FAM78A: variants seen among roughly 807,000 people sequenced by gnomAD.
FAM78A encodes the protein family with sequence similarity 78 member A, also known as protein FAM78A.
In FAM78A, 12 loss-of-function variants were observed where a neutral mutation model predicts 22.6. The ratio of observed to expected loss-of-function variants is 0.53; its 90% confidence interval spans 0.34 to 0.86. The LOEUF is 0.86. FAM78A is among the 40% of genes least tolerant of loss of function. The pLI is 0.02. For synonymous variants in FAM78A, 151 were observed against 155.8 expected (o/e 0.97, Z 0.23); for missense variants, 322 against 396.1 (o/e 0.81, Z 1.59).
chr9:131,260,876 C>G lies in FAM78A; in HGVS notation c.798G>C (p.Met266Ile), dbSNP rs1313249409. The change falls in exon 2 of 2, where the codon ATG (methionine) becomes ATC (isoleucine). Residue 266 changes from methionine (M) to isoleucine (I), a missense_variant. Met to Ile is a conservative substitution (Grantham distance 10). Coordinates refer to ENST00000372271, the MANE Select transcript of FAM78A (RefSeq NM_033387.4). This position sits in a 1 kb window ranked among gnomAD's most constrained non-coding sequence, Gnocchi z 5.4. ...GCGGCTGCCCGTACTTGGGCCGCCA[C>G]ATGAGGACCTGGGCATCGTTGGCAT... is the stretch of plus-strand genomic sequence containing the variant. The part of the protein sequence containing the change: ...KPNANDAQVL[M>I]WRPKYGQPLV... 1 of 1,538,678 alleles carries G rather than the reference C, an allele frequency of 6.5e-7. No individual in the cohort carries two copies. The highest frequency in any genetic ancestry group is 2.0e-5 in the Admixed American group (1 of 49,616).
chr9:131,272,029 T>G lies in FAM78A; in HGVS notation c.323+3828A>C, dbSNP rs185343168. ...GGGTATTATTGAGATGGTGGTTTTT[T>G]TTTTTAATTGTTCCATTTCAAATAT... On this transcript the variant is annotated intron_variant, in intron 1 of 1. Transcript: ENST00000372271. This position sits in a 1 kb window ranked among gnomAD's most constrained non-coding sequence, Gnocchi z 4.1. Among the ~76,000 whole-genome samples, 549 of 152,326 alleles carry G rather than the reference T, an allele frequency of 3.6e-3. 5 individuals are homozygous for G. The highest frequency in any genetic ancestry group is 2.6e-3 in the Non-Finnish European group (179 of 68,010).
At position 131,261,023 on chromosome 9, in the gene FAM78A, G is replaced by C; in HGVS notation, c.651C>G (p.Ile217Met). Residue 217 changes from isoleucine to methionine, a missense_variant, in exon 2 of 2, where the codon ATC becomes ATG. By Grantham distance (10) the Ile-to-Met change is conservative (BLOSUM62 1). Coordinates refer to ENST00000372271, the MANE Select transcript of FAM78A (RefSeq NM_033387.4). The surrounding 1 kb of genome is among the most constrained non-coding windows in gnomAD (Gnocchi z 7.1). Reference protein sequence around the residue: ...QTLHWRMQLSIEVNPNRPLGQ... With the variant: ...QTLHWRMQLSMEVNPNRPLGQ... ...CCAGGGGCCGGTTGGGGTTCACCTC[G>C]ATGCTGAGCTGCATGCGCCAGTGCA... is the stretch of plus-strand genomic sequence containing the variant. The C allele has an allele frequency of 3.1e-6, 5 of 1,614,050 alleles. No individual in the cohort carries two copies. Among genetic ancestry groups the C allele is most frequent in the Non-Finnish European group, 4.2e-6 (5 of 1,180,002 alleles).
At chr9:131,280,162 G>A (rs551489408), upstream of FAM78A, among the ~76,000 whole-genome samples, 71 of 152,298 alleles carry the variant, frequency 4.7e-4, no homozygotes, top group Middle Eastern at 0.017. Flanking sequence ...GCTTTGAGCT[G>A]GGGGGCAGCT....
chr9:131,276,069 C>A lies in FAM78A; in HGVS notation c.111G>T (p.Gly37=). Residue 37 remains glycine, a synonymous_variant, in exon 1 of 2, where the codon GGG becomes GGT. Transcript: ENST00000372271. The surrounding 1 kb of genome is among the most constrained non-coding windows in gnomAD (Gnocchi z 4.3). ...IGGKARVFRE[G]ITVIDVKASI... ...AGGCTTTCACATCAATCACCGTGAT[C>A]CCTTCCCGGAAGACTCTGGCTTTGC... The A allele has an allele frequency of 6.2e-7, 1 of 1,613,858 alleles. No homozygotes were observed.
Position 131,276,110 on chromosome 9 carries a change from T to C in FAM78A, c.70A>G (p.Ile24Val). The change falls in exon 1 of 2, where the codon ATT becomes GTT. Residue 24 changes from isoleucine to valine, a missense_variant. Ile to Val is a conservative substitution (Grantham distance 29). Transcript: ENST00000372271. This position sits in a 1 kb window ranked among gnomAD's most constrained non-coding sequence, Gnocchi z 4.3. Reference protein sequence around the residue: ...IRALLYAMGCIQSIGGKARVF... With the variant: ...IRALLYAMGCVQSIGGKARVF... ...CTGGCTTTGCCTCCGATGCTCTGAA[T>C]ACAGCCCATGGCATACAGGAGCGCT... 1.9e-6 allele frequency: 3 copies of C among 1,613,724 alleles called. No homozygotes were observed. The Middle Eastern group carries it at 4.9e-4, about 266-fold the overall frequency.
Position 131,260,910 on chromosome 9 carries a change from A to AC in FAM78A, c.763dup (p.Val255GlyfsTer37). 1.3e-6 allele frequency: 2 copies of AC among 1,584,224 alleles called. No homozygotes were observed. Among genetic ancestry groups the AC allele is most frequent in the Non-Finnish European group, 1.7e-6 (2 of 1,161,978 alleles). ...CTGGGCATCGTTGGCATTGGGCTTGACCAGGGCGCTGGGCGGGATGGGCTC... is the reference window on the plus strand; with the variant it reads ...CTGGGCATCGTTGGCATTGGGCTTGACCCAGGGCGCTGGGCGGGATGGGCTC... On this transcript the variant is annotated frameshift_variant, in exon 2 of 2. Coordinates refer to ENST00000372271, the MANE Select transcript of FAM78A (RefSeq NM_033387.4). LOFTEE classifies it high-confidence loss of function. The surrounding 1 kb of genome is among the most constrained non-coding windows in gnomAD (Gnocchi z 5.4).
In FAM78A at chr9:131,275,911, C is replaced by T. The variant is rs748456816; in HGVS notation, c.269G>A (p.Trp90Ter). The change falls in exon 1 of 2, where the codon TGG becomes TAG. Residue 90 changes from tryptophan to a stop codon, truncating the protein, a stop_gained. Transcript: ENST00000372271. LOFTEE classifies it high-confidence loss of function. The surrounding 1 kb of genome is among the most constrained non-coding windows in gnomAD (Gnocchi z 4.6). ...CTCCATGTGGCTGCACGCCTGGATCCAGCCAACTACCCAAGTCTCCTTCTT... is the reference window on the plus strand; with the variant it reads ...CTCCATGTGGCTGCACGCCTGGATCTAGCCAACTACCCAAGTCTCCTTCTT... ...IPKKETWVVG[W>*]IQACSHMEFY... 6.2e-7 allele frequency: 1 copy of T among 1,612,386 alleles called. No individual in the cohort carries two copies. The highest frequency in any genetic ancestry group is 8.5e-7 in the Non-Finnish European group (1 of 1,179,272).
Position 131,268,279 on chromosome 9 carries a change from C to T in FAM78A, c.324-6929G>A, listed in dbSNP as rs912587818. Among the ~76,000 whole-genome samples, 5 of 152,292 alleles carry T rather than the reference C, an allele frequency of 3.3e-5. No homozygotes were observed. In the South Asian group the frequency reaches 6.2e-4, roughly 19 times the overall value. Reference sequence around the variant, plus strand: ...TACAGAAACGAATGCCCAAGAGCCCCCATTCCACACTGGACAGGCATCCTG... The same window carrying T: ...TACAGAAACGAATGCCCAAGAGCCCTCATTCCACACTGGACAGGCATCCTG... On this transcript the variant is annotated intron_variant, in intron 1 of 1. Transcript: ENST00000372271.
At position 131,261,382 on chromosome 9, in the gene FAM78A, G is replaced by A. The variant is rs375455667; in HGVS notation, c.324-32C>T. 6.3e-5 allele frequency: 96 copies of A among 1,527,590 alleles called. No individual in the cohort carries two copies. Among genetic ancestry groups the A allele is most frequent in the Non-Finnish European group, 7.8e-5 (89 of 1,145,630 alleles). The allele number at this position is 1,527,590 out of a possible 1,614,324, so 94.6% of individuals were successfully genotyped here. A position where few individuals can be genotyped will look rare whatever the true frequency, so the allele number is the denominator to read the frequency against. On this transcript the variant is annotated intron_variant, in intron 1 of 1. Transcript: ENST00000372271. The surrounding 1 kb of genome is among the most constrained non-coding windows in gnomAD (Gnocchi z 7.1). ...ACAAGGAAGGCCAGTTCACTCACTC[G>A]GTCACTCAAGGAGGGCTTTCTGTGT...
upstream of FAM78A, among the ~76,000 whole-genome samples, chr9:131,278,897 C>T (rs993388339): frequency 2.6e-5 from 4 of 152,236 alleles, no homozygotes; most frequent in African/African-American, 7.2e-5. Context: ...GTCCCAGAGC[C>T]GGAGCACGCT....
At chr9:131,277,066 C>T (rs1370674572), upstream of FAM78A, among the ~76,000 whole-genome samples, 1 of 151,000 alleles carries the variant, frequency 6.6e-6, no homozygotes, top group South Asian at 2.1e-4. The surrounding 1 kb of genome is among the most constrained non-coding windows in gnomAD (Gnocchi z 8.4). Context: ...GAGCTGACGG[C>T]GCAGCTCTGG....
At chr9:131,279,428 G>A (rs1205368765), upstream of FAM78A, among the ~76,000 whole-genome samples, 1 of 152,206 alleles carries the variant, frequency 6.6e-6, no homozygotes, top group Non-Finnish European at 1.5e-5. Flanking sequence ...TTTATATGTA[G>A]GGACGATATT....
In FAM78A at chr9:131,261,348, G is replaced by T; in HGVS notation, c.326C>A (p.Ser109Tyr). 6.3e-7 allele frequency: 1 copy of T among 1,578,670 alleles called. No homozygotes were observed. The highest frequency in any genetic ancestry group is 1.1e-5 in the South Asian group (1 of 87,926). ...CTGGAGGTCGGGGAGCTCCCAGCTG[G>T]ACCTGAGGACAAGGAAGGCCAGTTC... The part of the protein sequence containing the change: ...FYNQYGEQGM[S>Y]SWELPDLQEG... The change falls in exon 2 of 2, where the codon TCC (serine) becomes TAC (tyrosine). Residue 109 changes from serine (S) to tyrosine (Y), a missense_variant and splice_region_variant. By Grantham distance (144) the Ser-to-Tyr change is moderately radical. Transcript: ENST00000372271. This position sits in a 1 kb window ranked among gnomAD's most constrained non-coding sequence, Gnocchi z 7.1.
rs352953 is a variant in FAM78A, at chr9:131,259,378, T to C, written c.*1444A>G. Reference sequence around the variant, plus strand: ...CTTCCAGACGTCTGTCCTCACCTGTTGCTCTCCACTGTGCCAGCCCAGCCT... The same window carrying C: ...CTTCCAGACGTCTGTCCTCACCTGTCGCTCTCCACTGTGCCAGCCCAGCCT... On this transcript the variant is annotated 3_prime_UTR_variant, in exon 2 of 2. Coordinates refer to ENST00000372271, the MANE Select transcript of FAM78A (RefSeq NM_033387.4). 141,770 of 152,480 alleles carry C rather than the reference T, an allele frequency of 0.93. 66,663 individuals carry two copies. Among genetic ancestry groups the C allele is most frequent in the Non-Finnish European group, 1 (67,947 of 68,172 alleles). The allele number at this position is 152,480 out of a possible 1,614,324, so 9.4% of individuals were successfully genotyped here. A position where few individuals can be genotyped will look rare whatever the true frequency, so the allele number is the denominator to read the frequency against.
At position 131,260,558 on chromosome 9, in the gene FAM78A, G is replaced by A. The variant is rs1835249748; in HGVS notation, c.*264C>T. 2.7e-6 allele frequency: 1 copy of A among 377,142 alleles called. No individual in the cohort carries two copies. Among genetic ancestry groups the A allele is most frequent in the South Asian group, 1.2e-4 (1 of 8,140 alleles). The allele number at this position is 377,142 out of a possible 1,614,324, so 23.4% of individuals were successfully genotyped here. A position where few individuals can be genotyped will look rare whatever the true frequency, so the allele number is the denominator to read the frequency against. On this transcript the variant is annotated 3_prime_UTR_variant, in exon 2 of 2. Coordinates refer to ENST00000372271, the MANE Select transcript of FAM78A (RefSeq NM_033387.4). This position sits in a 1 kb window ranked among gnomAD's most constrained non-coding sequence, Gnocchi z 5.4. ...CTGTTACAAGTGAGCGACTGAAACT[G>A]AGAAAAAGGAGAGGCAAGGAGACCA...
upstream of FAM78A, among the ~76,000 whole-genome samples, chr9:131,277,212 G>A (rs1479269292): frequency 1.3e-5 from 2 of 151,772 alleles, no homozygotes; most frequent in Non-Finnish European, 2.9e-5. The surrounding 1 kb of genome is among the most constrained non-coding windows in gnomAD (Gnocchi z 8.4). Context: ...CGGGGTGGGG[G>A]GCGAGCGGCT....
rs758761500 is a variant in FAM78A at position 131,275,955 on chromosome 9, C to A, written c.225G>T (p.Val75=). 7.4e-6 allele frequency: 12 copies of A among 1,613,402 alleles called. No homozygotes were observed. Among genetic ancestry groups the A allele is most frequent in the Non-Finnish European group, 1.0e-5 (12 of 1,180,024 alleles). ...CCTTCTTGGGGATGGGCGGCATGAC[C>A]ACCTGGGCCGAGGCCCGGAAGTGGG... The part of the protein sequence containing the change: ...RTPHFRASAQ[V]VMPPIPKKET... The change falls in exon 1 of 2, where the codon GTG becomes GTT. Residue 75 remains valine, a synonymous_variant. Transcript: ENST00000372271. This position sits in a 1 kb window ranked among gnomAD's most constrained non-coding sequence, Gnocchi z 4.6.
At position 131,264,640 on chromosome 9, in the gene FAM78A, C is replaced by A. The variant is rs1278552465; in HGVS notation, c.324-3290G>T. 4 of 717,090 alleles carry A rather than the reference C, an allele frequency of 5.6e-6. No homozygotes were observed. The Admixed American group carries it at 8.0e-5, about 14-fold the overall frequency. The allele number at this position is 717,090 out of a possible 1,614,324, so 44.4% of individuals were successfully genotyped here. A position where few individuals can be genotyped will look rare whatever the true frequency, so the allele number is the denominator to read the frequency against. On this transcript the variant is annotated intron_variant, in intron 1 of 1. Coordinates refer to ENST00000372271, the MANE Select transcript of FAM78A (RefSeq NM_033387.4). ...GCTTCTGGAGACCCTTTGAGGGTGG[C>A]ATCAGCAGTTAGAAGTGTGCCTCTC...
intron 1 of FAM78A, among the ~76,000 whole-genome samples, chr9:131,270,791 C>T (rs1189618804): frequency 6.6e-6 from 1 of 152,224 alleles, no homozygotes; most frequent in Non-Finnish European, 1.5e-5. Flanking sequence ...CCCAGATCTG[C>T]TGGCGCTGAG....
Sources: allele counts gnomAD v4.1 joint callset (sites outside exome capture counted in the v4.1 genomes callset), GRCh38; gene constraint gnomAD v4.1.1; non-coding constraint Gnocchi (gnomAD v3.1); transcripts MANE v1.5; gene names NCBI Gene and HGNC (gene_info 2026-07-23, HGNC 2026-07-21).